The following OSBPL10 variants were observed in gnomAD, a reference collection of about 807,000 sequenced individuals.
The protein encoded by OSBPL10 is oxysterol binding protein like 10.
A neutral mutation model predicts 81.7 loss-of-function variants in OSBPL10; 49 were observed. That is an observed-to-expected ratio of 0.60 (90% CI 0.48 to 0.76). The LOEUF (loss-of-function observed/expected upper bound fraction) is 0.76, where lower values mean the gene tolerates loss of function less well. Among genes scored for constraint, OSBPL10 ranks in the 30% least tolerant of loss-of-function variants. The pLI is 0.00. For synonymous variants in OSBPL10, 419 were observed against 383.6 expected (o/e 1.09, Z -1.08); for missense variants, 923 against 987.8 (o/e 0.93, Z 0.88).
intron 1 of OSBPL10, among the ~76,000 whole-genome samples, chr3:32,055,796 G>A (rs1559556097): frequency 6.6e-6 from 1 of 152,124 alleles, no homozygotes; most frequent in Non-Finnish European, 1.5e-5. Flanking sequence ...CCTGTACAGG[G>A]TCCCTAATCT....
intron 3 of OSBPL10, among the ~76,000 whole-genome samples, chr3:31,852,481 A>G (rs1049204843): frequency 6.6e-6 from 1 of 152,190 alleles, no homozygotes; most frequent in East Asian, 1.9e-4. Flanking sequence ...CCTATGAACG[A>G]CAGTGCACTA....
intron 7 of OSBPL10, among the ~76,000 whole-genome samples, chr3:31,684,621 T>C (rs935912213): frequency 6.6e-6 from 1 of 152,122 alleles, no homozygotes; most frequent in Admixed American, 6.5e-5. Flanking sequence ...AATGACAGTG[T>C]GCACTGGGAG....
chr3:31,865,660 C>T (rs904282550), intron 3 of OSBPL10, among the ~76,000 whole-genome samples: 3 of 152,184 alleles, frequency 2.0e-5, no homozygotes, highest in Non-Finnish European at 2.9e-5. Context: ...GAAGCCCAAA[C>T]AGACTAAGAC....
In OSBPL10 at chr3:31,980,987, G is replaced by A. The variant is rs1015712366; in HGVS notation, c.193C>T (p.Pro65Ser). 67 of 1,543,518 alleles carry A rather than the reference G, an allele frequency of 4.3e-5. No individual in the cohort carries two copies. The highest frequency in any genetic ancestry group is 5.8e-5 in the Non-Finnish European group (67 of 1,150,516). ...RSSPGSVAAS[P>S]SGGGGRRREP... ...CTCCTGCGGCCGCCTCCCCCGGACGGGCTAGCGGCCACAGAGCCCGGGCTG... is the reference window on the plus strand; with the variant it reads ...CTCCTGCGGCCGCCTCCCCCGGACGAGCTAGCGGCCACAGAGCCCGGGCTG... The change falls in exon 1 of 12, where the codon CCG becomes TCG. Residue 65 changes from proline to serine, a missense_variant. Pro to Ser is a moderately conservative substitution (Grantham distance 74, BLOSUM62 -1). Coordinates refer to ENST00000396556, the MANE Select transcript of OSBPL10 (RefSeq NM_017784.5).
intron 4 of OSBPL10, among the ~76,000 whole-genome samples, chr3:31,798,703 A>G (rs1358305795): frequency 5.3e-5 from 8 of 152,176 alleles, no homozygotes; most frequent in Non-Finnish European, 1.2e-4. Flanking sequence ...GCCTAATGCC[A>G]TACTTAGTGC....
chr3:31,803,651 G>C (rs1442742248), intron 4 of OSBPL10, among the ~76,000 whole-genome samples: 1 of 152,076 alleles, frequency 6.6e-6, no homozygotes, highest in Non-Finnish European at 1.5e-5. Flanking sequence ...TACAGACCTT[G>C]TTTTCAGTTT....
chr3:31,801,709 G>A (rs1373931198), intron 4 of OSBPL10, among the ~76,000 whole-genome samples: 2 of 152,210 alleles, frequency 1.3e-5, no homozygotes, highest in Non-Finnish European at 2.9e-5. Flanking sequence ...AGCCACGAAT[G>A]CCTTCAACAG....
In OSBPL10 at chr3:32,058,464, A is replaced by G. The variant is rs527480583; in HGVS notation, n.186-11861T>C. 3.9e-5 allele frequency among the ~76,000 whole-genome samples: 6 copies of G among 152,092 alleles called. No individual in the cohort carries two copies. In the East Asian group the frequency reaches 1.2e-3, roughly 30 times the overall value. On this transcript the variant is annotated intron_variant and non_coding_transcript_variant, in intron 1 of 3. Coordinates refer to the OSBPL10 transcript ENST00000479173. ...TGCCTCAGTTTCCTGAGTAATTGGG[A>G]TTACTGGTGCCCACCACCACACCTG...
At chr3:31,687,893 A>AAAT (rs34327662) in intron 7 of OSBPL10, among the ~76,000 whole-genome samples, 9,608 of 143,796 alleles carry the variant, frequency 0.067, 395 homozygotes, top group African/African-American at 0.11. Flanking sequence ...CCATCACTAC[A>AAAT]AATAATAATA....
intron 3 of OSBPL10, among the ~76,000 whole-genome samples, chr3:31,857,103 G>C (rs972558632): frequency 4.6e-5 from 7 of 152,254 alleles, no homozygotes; most frequent in Admixed American, 2.6e-4. Context: ...TCAACCTCCA[G>C]TGGCATTCAT....
At chr3:31,756,805 A>C (rs1697901557) in intron 4 of OSBPL10, among the ~76,000 whole-genome samples, 1 of 152,236 alleles carries the variant, frequency 6.6e-6, no homozygotes, top group African/African-American at 2.4e-5. Flanking sequence ...TGTCTTTTAA[A>C]ATAGGGGGAA....
chr3:31,665,528 T>C (rs551314356), intron 10 of OSBPL10, among the ~76,000 whole-genome samples: 1 of 152,190 alleles, frequency 6.6e-6, no homozygotes, highest in East Asian at 1.9e-4. Context: ...GCCAGTGAAC[T>C]AGGGACAGCC....
chr3:32,027,334 G>C (rs9871746), intron 2 of OSBPL10, among the ~76,000 whole-genome samples: 135,997 of 152,186 alleles, frequency 0.89, 61,319 homozygotes, highest in East Asian at 1. Flanking sequence ...TAATTATGTA[G>C]GAAAACAATG....
chr3:32,061,449 G>A lies in OSBPL10; in HGVS notation n.186-14846C>T, dbSNP rs1450093280. On this transcript the variant is annotated intron_variant and non_coding_transcript_variant, in intron 1 of 3. Transcript: ENST00000479173. ...AAAATACTTCATGGGCACTATTTAA[G>A]GTGAAGCCCTTGAGGAAAACCTTAA... Among the ~76,000 whole-genome samples, 2 of 92,940 alleles carry A rather than the reference G, an allele frequency of 2.2e-5. 1 individual carries two copies. The highest frequency in any genetic ancestry group is 5.7e-5 in the Non-Finnish European group (2 of 34,802). 61.0% of individuals were successfully genotyped at this position (92,940 alleles called of 152,430 possible).
intron 2 of OSBPL10, among the ~76,000 whole-genome samples, chr3:32,038,017 T>C (rs560122600): frequency 8.5e-4 from 130 of 152,156 alleles, no homozygotes; most frequent in Non-Finnish European, 1.6e-3. Context: ...TATGGAGCAA[T>C]GTACCAGAGA....
chr3:32,062,007 A>T (rs1424572801), intron 1 of OSBPL10, among the ~76,000 whole-genome samples: 2 of 93,708 alleles, frequency 2.1e-5, no homozygotes, highest in African/African-American at 5.5e-5. Flanking sequence ...GAATATGCAG[A>T]TGCAGTATCA....
chr3:31,965,699 ATAT>A (rs1294614812), intron 1 of OSBPL10, among the ~76,000 whole-genome samples: 2 of 41,820 alleles, frequency 4.8e-5, no homozygotes, highest in African/African-American at 2.4e-4. Flanking sequence ...AAAATATATA[ATAT>A]ATTATATAAA....
At chr3:31,822,969 C>T (rs776453442) in intron 4 of OSBPL10, among the ~76,000 whole-genome samples, 14 of 122,144 alleles carry the variant, frequency 1.1e-4, no homozygotes, top group African/African-American at 3.9e-4. Context: ...AAATACCATA[C>T]ATTTCAATCA....
intron 4 of OSBPL10, among the ~76,000 whole-genome samples, chr3:31,808,646 G>A (rs749169915): frequency 6.6e-6 from 1 of 152,174 alleles, no homozygotes; most frequent in African/African-American, 2.4e-5. Flanking sequence ...TAAATAGAAA[G>A]AAAATAGAAT....
Sources: allele counts gnomAD v4.1 joint callset (sites outside exome capture counted in the v4.1 genomes callset), GRCh38; gene constraint gnomAD v4.1.1; transcripts MANE v1.5; gene names NCBI Gene and HGNC (gene_info 2026-07-23, HGNC 2026-07-21).